The following RGS5 variants were observed in gnomAD, a reference collection of about 807,000 sequenced individuals.
RGS5 encodes the protein regulator of G protein signaling 5.
RGS5 carries 20 observed loss-of-function variants against 18.9 expected under a neutral mutation model. The observed-to-expected ratio is 1.06, with a 90% confidence interval of 0.74 to 1.54. The LOEUF is 1.54. Among genes scored for constraint, RGS5 ranks in the 40% most tolerant of loss-of-function variants. The pLI is 0.00. For synonymous variants in RGS5, 57 were observed against 76.2 expected (o/e 0.75, Z 1.31); for missense variants, 201 against 211.8 (o/e 0.95, Z 0.32).
intron 2 of RGS5, among the ~76,000 whole-genome samples, chr1:163,263,700 T>G (rs1200926119): frequency 6.6e-6 from 1 of 152,106 alleles, no homozygotes; most frequent in African/African-American, 2.4e-5. Flanking sequence ...AAGCAGGGAC[T>G]CTCAGATTCT....
At chr1:163,297,120 T>C (rs1420615610) in intron 2 of RGS5, among the ~76,000 whole-genome samples, 1 of 152,084 alleles carries the variant, frequency 6.6e-6, no homozygotes, top group African/African-American at 2.4e-5. Context: ...CCAAGACAGT[T>C]GGAGGTAAAG....
At position 163,176,393 on chromosome 1, in the gene RGS5, G is replaced by A. The variant is rs527325749; in HGVS notation, c.45-8025C>T. On this transcript the variant is annotated intron_variant, in intron 1 of 4. Coordinates refer to ENST00000313961, the MANE Select transcript of RGS5 (RefSeq NM_003617.4). ...TCCCATCACTTTGGGAGGGCAAGGC[G>A]GGCAGATCACCTGAGGTTGGGAGTT... is the stretch of plus-strand genomic sequence containing the variant. 5.3e-5 allele frequency among the ~76,000 whole-genome samples: 8 copies of A among 152,298 alleles called. No individual in the cohort carries two copies. The East Asian group carries it at 5.8e-4, about 11-fold the overall frequency.
chr1:163,198,122 A>T (rs1236471044), intron 1 of RGS5, among the ~76,000 whole-genome samples: 1 of 152,190 alleles, frequency 6.6e-6, no homozygotes, highest in Non-Finnish European at 1.5e-5. Context: ...GGGGAAAAAA[A>T]TGATTGTTTT....
In RGS5 at chr1:163,152,685, C is replaced by T; in HGVS notation, c.249G>A (p.Lys83=). The change falls in exon 4 of 5, where the codon AAG becomes AAA. Residue 83 remains lysine, a synonymous_variant. Coordinates refer to ENST00000313961, the MANE Select transcript of RGS5 (RefSeq NM_003617.4). ...YGLASFKSFL[K]SEFSEENLEF... ...CAAGGTTTTCCTCACTGAATTCAGA[C>T]TTCAGGAAACTTTTGAAACTGGCAA... is the stretch of plus-strand genomic sequence containing the variant. 6.2e-7 allele frequency: 1 copy of T among 1,601,500 alleles called. No individual in the cohort carries two copies. Among genetic ancestry groups the T allele is most frequent in the Middle Eastern group, 1.7e-4 (1 of 5,980 alleles).
rs116064234 is a variant in RGS5 at position 163,276,865 on chromosome 1, T to G, written c.-281+29368A>C. ...AAATAAAATTCCAGCCTTTTGAACCTACCCCTCCTCTCGGCCAAGGGCATT... is the reference window on the plus strand; with the variant it reads ...AAATAAAATTCCAGCCTTTTGAACCGACCCCTCCTCTCGGCCAAGGGCATT... On this transcript the variant is annotated intron_variant, in intron 2 of 5. Coordinates refer to the RGS5 transcript ENST00000618415. 5.6e-3 allele frequency among the ~76,000 whole-genome samples: 853 copies of G among 152,308 alleles called. 10 individuals are homozygous for G. Among genetic ancestry groups the G allele is most frequent in the African/African-American group, 0.02 (816 of 41,562 alleles).
At chr1:163,265,326 T>C (rs901998726) in intron 2 of RGS5, among the ~76,000 whole-genome samples, 18 of 152,206 alleles carry the variant, frequency 1.2e-4, no homozygotes, top group African/African-American at 4.3e-4. Flanking sequence ...TAAATATATA[T>C]TCATCCCCAC....
At chr1:163,150,263 C>T (rs941062820) in intron 4 of RGS5, among the ~76,000 whole-genome samples, 1 of 152,122 alleles carries the variant, frequency 6.6e-6, no homozygotes, top group Admixed American at 6.5e-5. Context: ...ACTCAGCTAG[C>T]CATGGTATTG....
At chr1:163,164,742 C>G (rs1419917202) in intron 2 of RGS5, among the ~76,000 whole-genome samples, 1 of 152,154 alleles carries the variant, frequency 6.6e-6, no homozygotes, top group Non-Finnish European at 1.5e-5. Flanking sequence ...TCCCATGAAC[C>G]ATTATTACTG....
chr1:163,218,564 CATTTT>C (rs201208556), upstream of RGS5, among the ~76,000 whole-genome samples: 756 of 150,882 alleles, frequency 5.0e-3, 5 homozygotes, highest in African/African-American at 0.017. Flanking sequence ...GTGCATTATG[CATTTT>C]ATTTTATGCA....
intron 1 of RGS5, among the ~76,000 whole-genome samples, chr1:163,170,835 G>A (rs555056678): frequency 1.3e-5 from 2 of 152,134 alleles, no homozygotes; most frequent in Non-Finnish European, 2.9e-5. Flanking sequence ...CTGTTCTGCC[G>A]AGGGAGCTTA....
chr1:163,158,093 T>C (rs1314806207), intron 3 of RGS5, among the ~76,000 whole-genome samples: 1 of 152,220 alleles, frequency 6.6e-6, no homozygotes, highest in Non-Finnish European at 1.5e-5. Flanking sequence ...TTAGTTTTTG[T>C]GGATTCAAAT....
intron 3 of RGS5, among the ~76,000 whole-genome samples, chr1:163,153,526 T>C (rs1460201760): frequency 1.3e-5 from 2 of 152,158 alleles, no homozygotes. Flanking sequence ...ATCAGGTTTC[T>C]TTAACATGTT....
chr1:163,250,523 G>A (rs928845188), intron 2 of RGS5, among the ~76,000 whole-genome samples: 2 of 152,124 alleles, frequency 1.3e-5, no homozygotes, highest in African/African-American at 2.4e-5. Context: ...CTAAACCTCT[G>A]CTAAAGAAAA....
chr1:163,278,808 C>T (rs950798074), intron 2 of RGS5, among the ~76,000 whole-genome samples: 2 of 151,976 alleles, frequency 1.3e-5, no homozygotes, highest in African/African-American at 2.4e-5. Context: ...AAGAAACTCA[C>T]TTCTCTTGTA....
chr1:163,286,972 G>T (rs1439881476), intron 2 of RGS5, among the ~76,000 whole-genome samples: 3 of 152,134 alleles, frequency 2.0e-5, no homozygotes, highest in Non-Finnish European at 4.4e-5. Flanking sequence ...GTGAAGTGGG[G>T]TCAATCTGAG....
chr1:163,208,215 G>A (rs1659994771), intron 1 of RGS5, among the ~76,000 whole-genome samples: 1 of 150,866 alleles, frequency 6.6e-6, no homozygotes, highest in Non-Finnish European at 1.5e-5. Context: ...GGGCGTGGTG[G>A]CGGGCGCCTG....
At chr1:163,308,747 A>AATTATATATATTCT (rs1649773060) in intron 1 of RGS5, 1 of 152,216 alleles carries the variant, frequency 6.6e-6, no homozygotes, top group Non-Finnish European at 1.5e-5. Context: ...AATATAAAAT[A>AATTATATATATTCT]GTACATAATT....
At chr1:163,212,471 C>T (rs1415814468) in intron 1 of RGS5, 1 of 152,198 alleles carries the variant, frequency 6.6e-6, no homozygotes, top group Non-Finnish European at 1.5e-5. Context: ...GTGGACAAAA[C>T]ACCTAAGTAC....
At chr1:163,222,003 A>G (rs998437164), upstream of RGS5, among the ~76,000 whole-genome samples, 11 of 152,180 alleles carry the variant, frequency 7.2e-5, no homozygotes, top group Non-Finnish European at 1.3e-4. Flanking sequence ...CCTTTACTCA[A>G]TTGGTCAGAT....
Sources: allele counts gnomAD v4.1 joint callset (sites outside exome capture counted in the v4.1 genomes callset), GRCh38; gene constraint gnomAD v4.1.1; transcripts MANE v1.5; gene names NCBI Gene and HGNC (gene_info 2026-07-23, HGNC 2026-07-21).